The following NUMBL variants were observed in gnomAD, a reference collection of about 807,000 sequenced individuals.
NUMBL encodes NUMB like endocytic adaptor protein.
Under a neutral mutation model 48.9 loss-of-function variants are expected in NUMBL, and 20 were observed. The observed-to-expected ratio is 0.41, with a 90% CI of 0.29 to 0.59. NUMBL has a LOEUF of 0.59. NUMBL is among the 20% of genes least tolerant of loss of function. NUMBL has a pLI of 0.31. For synonymous variants in NUMBL, 340 were observed against 348.7 expected, an observed-to-expected ratio of 0.98 and a Z score of 0.28; for missense variants, 660 against 846.2, an observed-to-expected ratio of 0.78 and a Z score of 2.73.
chr19:40,676,062 C>T lies in NUMBL; in HGVS notation c.730+1170G>A, dbSNP rs188980473. ...TAATGATTTGTAGAGACAGGGTTTCCCTATGTTGCCCAGGTTGATTTCATT... is the reference window on the plus strand; with the variant it reads ...TAATGATTTGTAGAGACAGGGTTTCTCTATGTTGCCCAGGTTGATTTCATT... On this transcript the variant is annotated intron_variant, in intron 7 of 9. Coordinates refer to ENST00000252891, the MANE Select transcript of NUMBL (RefSeq NM_004756.5). Among the ~76,000 whole-genome samples the T allele has an allele frequency of 2.6e-5, 4 of 152,102 alleles. No individual in the cohort carries two copies. In the East Asian group the frequency reaches 5.8e-4, roughly 22 times the overall value.
At chr19:40,690,355 C>T (rs2081959012) in intron 1 of NUMBL, 105 bp downstream of exon 1, 2 of 659,506 alleles carry the variant, frequency 3.0e-6, no homozygotes, top group Non-Finnish European at 4.3e-6. Context: ...CCTCTCCAGC[C>T]TTGGCACCCT....
rs980892698 is a variant in NUMBL, at chr19:40,688,879, C to A, written c.24+1581G>T. 1.3e-5 allele frequency among the ~76,000 whole-genome samples: 2 copies of A among 152,200 alleles called. No homozygotes were observed. The highest frequency in any genetic ancestry group is 2.9e-5 in the Non-Finnish European group (2 of 68,038). On this transcript the variant is annotated intron_variant, in intron 1 of 9. Coordinates refer to ENST00000252891, the MANE Select transcript of NUMBL (RefSeq NM_004756.5). The surrounding 1 kb of genome is among the most constrained non-coding windows in gnomAD (Gnocchi z 4.6). ...TATCACACACACTGCTAGATACAGTCATTTATATTAATACAACCTCAGTCA... is the reference window on the plus strand; with the variant it reads ...TATCACACACACTGCTAGATACAGTAATTTATATTAATACAACCTCAGTCA...
At position 40,667,630 on chromosome 19, in the gene NUMBL, G is replaced by A; in HGVS notation, c.1668C>T (p.Arg556=). 3 of 1,555,322 alleles carry A rather than the reference G, an allele frequency of 1.9e-6. No homozygotes were observed. Among genetic ancestry groups the A allele is most frequent in the Middle Eastern group, 3.4e-4 (2 of 5,900 alleles). Residue 556 remains arginine, a synonymous_variant, in exon 10 of 10, where the codon CGC becomes CGT. Coordinates refer to ENST00000252891, the MANE Select transcript of NUMBL (RefSeq NM_004756.5). The surrounding 1 kb of genome is among the most constrained non-coding windows in gnomAD (Gnocchi z 6.1). The part of the protein sequence containing the change: ...PSAPGSQARP[R]PNGAPWPPEP... ...CAGGGGGCCAGGGGGCCCCATTGGG[G>A]CGAGGGCGGGCCTGGCTCCCAGGGG...
chr19:40,686,986 G>A lies in NUMBL; in HGVS notation c.34C>T (p.Arg12Trp), dbSNP rs1425772402. Residue 12 changes from arginine (R) to tryptophan (W), a missense_variant, in exon 2 of 10, where the codon CGG becomes TGG. This residue lies in a region of NUMBL where 86 missense variants were observed against 85.9 expected (regional missense o/e 1.00). Coordinates refer to ENST00000252891, the MANE Select transcript of NUMBL (RefSeq NM_004756.5). ...SRSAAASGGPRRPERHLPPAP... is the reference protein window; with the variant it reads ...SRSAAASGGPWRPERHLPPAP... ...GGGGGCAGGTGCCGCTCAGGCCTCC[G>A]GGGTCCGCCCTGCCCGAGTAGGGGA... 1.2e-5 allele frequency: 18 copies of A among 1,517,542 alleles called. No homozygotes were observed. The highest frequency in any genetic ancestry group is 5.0e-5 in the East Asian group (2 of 40,286). The allele number at this position is 1,517,542 out of a possible 1,614,324, so 94.0% of individuals were successfully genotyped here.
At chr19:40,671,374 G>T (rs1246331200) in intron 8 of NUMBL, among the ~76,000 whole-genome samples, 1 of 104,210 alleles carries the variant, frequency 9.6e-6, no homozygotes, top group African/African-American at 5.1e-5. Flanking sequence ...TGACATGTGT[G>T]TGGGGGGGTG....
intron 7 of NUMBL, among the ~76,000 whole-genome samples, chr19:40,675,142 CAAAAAAAAAAA>C (rs71334931): frequency 3.0e-4 from 9 of 29,798 alleles, no homozygotes; most frequent in Non-Finnish European, 2.4e-4. Flanking sequence ...GACTCTGTCT[CAAAAAAAAAAA>C]AAAAAAAAAA....
In NUMBL at chr19:40,690,528, G is replaced by A. The variant is rs1488714101; in HGVS notation, c.-45C>T. 5 of 1,207,368 alleles carry A rather than the reference G, an allele frequency of 4.1e-6. No homozygotes were observed. Among genetic ancestry groups the A allele is most frequent in the Middle Eastern group, 3.1e-4 (1 of 3,176 alleles). 74.8% of individuals were successfully genotyped at this position (1,207,368 alleles called of 1,614,324 possible). On this transcript the variant is annotated 5_prime_UTR_variant, in exon 1 of 10. Transcript: ENST00000252891. ...GCCTCCCGCGGCCCTGGCTGGGCCT[G>A]GCTCCCCGACTGCTGCTGCTGCGGT...
chr19:40,684,068 GTTT>G, intron 3 of NUMBL: 31 of 124,506 alleles, frequency 2.5e-4, no homozygotes, highest in South Asian at 7.1e-4. Flanking sequence ...TACGCTTCAA[GTTT>G]TTTTTTTTTT....
In NUMBL at chr19:40,687,211, T is replaced by A. The variant is rs1459369604; in HGVS notation, c.25-216A>T. The stretch of plus-strand genomic sequence containing the variant: ...GTTTGGGGGGCATATGTTGGGGATG[T>A]GCTGGCCTCAGGAGAGCCTCACTGC... On this transcript the variant is annotated intron_variant, in intron 1 of 9. Transcript: ENST00000252891. The surrounding 1 kb of genome is among the most constrained non-coding windows in gnomAD (Gnocchi z 4.6). Among the ~76,000 whole-genome samples the A allele has an allele frequency of 6.6e-6, 1 of 152,142 alleles. No homozygotes were observed.
At chr19:40,670,795 C>T (rs2081843599) in intron 8 of NUMBL, among the ~76,000 whole-genome samples, 1 of 152,046 alleles carries the variant, frequency 6.6e-6, no homozygotes, top group Non-Finnish European at 1.5e-5. Flanking sequence ...GAGAGTGTGA[C>T]TGGGGTCCGG....
rs886939081 is a variant in NUMBL, at chr19:40,666,007, T to C, written c.*1461A>G. The C allele has an allele frequency of 2.0e-4, 30 of 152,210 alleles. No individual in the cohort carries two copies. The highest frequency in any genetic ancestry group is 4.3e-4 in the African/African-American group (18 of 41,456). The allele number at this position is 152,210 out of a possible 1,614,324, so 9.4% of individuals were successfully genotyped here. Reference sequence around the variant, plus strand: ...GAAACAATAGCAAGACTGTAAAACGTTGCCACATCAGGTGACACTTTGGCC... The same window carrying C: ...GAAACAATAGCAAGACTGTAAAACGCTGCCACATCAGGTGACACTTTGGCC... On this transcript the variant is annotated 3_prime_UTR_variant, in exon 10 of 10. Transcript: ENST00000252891.
rs1373284363 is a variant in NUMBL at position 40,682,676 on chromosome 19, C to T, written c.399+52G>A. On this transcript the variant is annotated intron_variant, in intron 5 of 9. Coordinates refer to ENST00000252891, the MANE Select transcript of NUMBL (RefSeq NM_004756.5). This position sits in a 1 kb window ranked among gnomAD's most constrained non-coding sequence, Gnocchi z 4.0. ...GGGAAGGTGTCCTCCGCCCTGATTC[C>T]AGCAGGGTGAGCAGACAGGCCCCCT... 2 of 1,570,490 alleles carry T rather than the reference C, an allele frequency of 1.3e-6. No homozygotes were observed. The highest frequency in any genetic ancestry group is 2.7e-5 in the African/African-American group (2 of 74,180).
rs1264529288 is a variant in NUMBL at position 40,673,255 on chromosome 19, C to T, written c.1036+89G>A. 1.5e-6 allele frequency: 2 copies of T among 1,316,612 alleles called. No individual in the cohort carries two copies. Among genetic ancestry groups the T allele is most frequent in the African/African-American group, 3.0e-5 (2 of 67,650 alleles). 81.6% of individuals were successfully genotyped at this position (1,316,612 alleles called of 1,614,324 possible). On this transcript the variant is annotated intron_variant, in intron 8 of 9. Transcript: ENST00000252891. This position sits in a 1 kb window ranked among gnomAD's most constrained non-coding sequence, Gnocchi z 5.9. The stretch of plus-strand genomic sequence containing the variant: ...CATGGCAGACAGTGCAAATCAATCA[C>T]AGTGTGAACCATCTCGCCTCCATCC...
chr19:40,675,190 G>A (rs1479760342), intron 7 of NUMBL, among the ~76,000 whole-genome samples: 5 of 148,268 alleles, frequency 3.4e-5, no homozygotes, highest in East Asian at 2.0e-4. Flanking sequence ...ACGTGGTGGC[G>A]GGCACCTGTA....
intron 2 of NUMBL, 159 bp from the exon 3 acceptor site, chr19:40,684,715 C>A (rs533121322): frequency 9.8e-7 from 1 of 1,017,490 alleles, no homozygotes; most frequent in South Asian, 1.8e-5. Context: ...ATCAGCAGCT[C>A]AAGTCAGGGG....
Position 40,686,968 on chromosome 19 carries a change from G to A in NUMBL, c.52C>T (p.Leu18=). ...GGGGCCCCACAGGGGGCTGGGGGCA[G>A]GTGCCGCTCAGGCCTCCGGGGTCCG... is the stretch of plus-strand genomic sequence containing the variant. ...SGGPRRPERH[L]PPAPCGAPGP... Residue 18 remains leucine, a synonymous_variant, in exon 2 of 10, where the codon CTG becomes TTG. Coordinates refer to ENST00000252891, the MANE Select transcript of NUMBL (RefSeq NM_004756.5). 1 of 1,531,564 alleles carries A rather than the reference G, an allele frequency of 6.5e-7. No homozygotes were observed. The highest frequency in any genetic ancestry group is 8.8e-7 in the Non-Finnish European group (1 of 1,140,146). 94.9% of individuals were successfully genotyped at this position (1,531,564 alleles called of 1,614,324 possible).
chr19:40,681,953 GT>G (rs1296960184), intron 5 of NUMBL, among the ~76,000 whole-genome samples: 3 of 152,096 alleles, frequency 2.0e-5, no homozygotes, highest in African/African-American at 7.2e-5. Context: ...GATTACAGGC[GT>G]GAGCCACCGT....
Position 40,667,483 on chromosome 19 carries a change from G to C in NUMBL, c.1815C>G (p.Phe605Leu). Residue 605 changes from phenylalanine to leucine, a missense_variant, in exon 10 of 10, where the codon TTC (phenylalanine) becomes TTG (leucine). Phe to Leu is a conservative substitution (Grantham distance 22). Transcript: ENST00000252891. This position sits in a 1 kb window ranked among gnomAD's most constrained non-coding sequence, Gnocchi z 6.1. ...GCGGCTCGGGCTACAGTTCAATCTCGAATGTCTTTTGCAGGTCGCCAGAAA... is the reference window on the plus strand; with the variant it reads ...GCGGCTCGGGCTACAGTTCAATCTCCAATGTCTTTTGCAGGTCGCCAGAAA... ...NPFSGDLQKT[F>L]EIEL 1 of 1,603,142 alleles carries C rather than the reference G, an allele frequency of 6.2e-7. No homozygotes were observed. Among genetic ancestry groups the C allele is most frequent in the South Asian group, 1.1e-5 (1 of 89,126 alleles).
Position 40,682,958 on chromosome 19 carries a change from T to C in NUMBL, c.260A>G (p.His87Arg), listed in dbSNP as rs763825882. The C allele has an allele frequency of 2.5e-6, 4 of 1,609,056 alleles. No homozygotes were observed. In the African/African-American group the frequency reaches 5.4e-5, roughly 22 times the overall value. The change falls in exon 4 of 10, where the codon CAC (histidine) becomes CGC (arginine). Residue 87 changes from histidine (H) to arginine (R), a missense_variant. Physicochemically the swap from His to Arg is conservative, Grantham distance 29. Coordinates refer to ENST00000252891, the MANE Select transcript of NUMBL (RefSeq NM_004756.5). The surrounding 1 kb of genome is among the most constrained non-coding windows in gnomAD (Gnocchi z 4.0). ...TCCCCGGGACTCCTCTACCTCCACG[T>C]GACCCAGGTACTTGGGTTGGAGGGA... ...TCSFPVRYLG[H>R]VEVEESRGMH...
Sources: gnomAD v4.1 joint callset for allele counts (sites outside exome capture counted in the v4.1 genomes callset) on GRCh38, gnomAD v4.1.1 for gene constraint, gnomAD v4.1.1 regional missense constraint, Gnocchi (gnomAD v3.1) non-coding constraint, MANE v1.5 for transcripts, NCBI Gene and HGNC (gene_info 2026-07-23, HGNC 2026-07-21) for gene names.